Variants in LYPD6B observed in about 807,000 individuals in gnomAD.
The protein encoded by LYPD6B is ly6/PLAUR domain-containing protein 6B.
Under a neutral mutation model 22.8 loss-of-function variants are expected in LYPD6B, and 17 were observed. The ratio of observed to expected loss-of-function variants is 0.75; its 90% CI spans 0.51 to 1.12. The LOEUF is 1.12. Ranked by LOEUF, LYPD6B falls within the 50% of genes most tolerant of loss-of-function variation. The pLI is 0.00. For missense variants in LYPD6B, 221 were observed against 258.3 expected (o/e 0.86, Z 0.99); for synonymous variants, 106 against 91.6 (o/e 1.16, Z -0.90).
intron 1 of LYPD6B, among the ~76,000 whole-genome samples, chr2:149,079,766 G>A (rs1021183840): frequency 7.2e-5 from 11 of 152,232 alleles, no homozygotes; most frequent in Admixed American, 2.6e-4. Context: ...GGCATCTTCC[G>A]GGATGTGCTT....
chr2:149,044,749 A>T (rs1405108676), intron 1 of LYPD6B, among the ~76,000 whole-genome samples: 2 of 152,090 alleles, frequency 1.3e-5, no homozygotes, highest in African/African-American at 4.8e-5. Flanking sequence ...TTTCTTGTAG[A>T]TACAATATGA....
chr2:149,056,739 T>C (rs1054763045), intron 1 of LYPD6B, among the ~76,000 whole-genome samples: 1 of 152,098 alleles, frequency 6.6e-6, no homozygotes, highest in African/African-American at 2.4e-5. Context: ...TTGTGTCTGG[T>C]TTGGGTAATC....
intron 1 of LYPD6B, among the ~76,000 whole-genome samples, chr2:149,107,663 T>C (rs972659262): frequency 6.6e-6 from 1 of 152,222 alleles, no homozygotes; most frequent in African/African-American, 2.4e-5. Flanking sequence ...CATTTCCAAA[T>C]ATTTGGGGGT....
At chr2:149,107,553 C>G (rs1686539481) in intron 1 of LYPD6B, among the ~76,000 whole-genome samples, 1 of 152,210 alleles carries the variant, frequency 6.6e-6, no homozygotes, top group South Asian at 2.1e-4. Context: ...ATCCCACAAA[C>G]TCTGATATGA....
intron 6 of LYPD6B, among the ~76,000 whole-genome samples, chr2:149,213,416 A>G (rs1180880112): frequency 6.6e-6 from 1 of 152,226 alleles, no homozygotes; most frequent in Non-Finnish European, 1.5e-5. Context: ...AATGGAGACC[A>G]AAGAAATGAA....
At chr2:149,099,637 G>A (rs1449602416) in intron 1 of LYPD6B, among the ~76,000 whole-genome samples, 1 of 152,186 alleles carries the variant, frequency 6.6e-6, no homozygotes, top group East Asian at 1.9e-4. Context: ...CGGCCTCCAA[G>A]AGTTCTCAAA....
intron 1 of LYPD6B, among the ~76,000 whole-genome samples, chr2:149,110,684 T>A (rs1686713342): frequency 6.6e-6 from 1 of 152,220 alleles, no homozygotes; most frequent in African/African-American, 2.4e-5. Context: ...TATACATAGA[T>A]TAGAGATGTG....
chr2:149,060,248 G>A (rs1330871075), intron 1 of LYPD6B, among the ~76,000 whole-genome samples: 1 of 152,144 alleles, frequency 6.6e-6, no homozygotes, highest in African/African-American at 2.4e-5. Context: ...ACTGGGGTTC[G>A]AATCCTGCCT....
intron 1 of LYPD6B, among the ~76,000 whole-genome samples, chr2:149,040,249 TCTCA>T (rs1405271816): frequency 1.3e-5 from 2 of 149,234 alleles, no homozygotes. Flanking sequence ...TGAGACAGAC[TCTCA>T]CTCTGTCACC....
At chr2:149,052,211 C>T (rs1478849697) in intron 1 of LYPD6B, among the ~76,000 whole-genome samples, 1 of 151,958 alleles carries the variant, frequency 6.6e-6, no homozygotes, top group African/African-American at 2.4e-5. Flanking sequence ...CACGCCCCAC[C>T]ACACCCAGCT....
At chr2:149,140,893 A>T (rs1375998147) in intron 2 of LYPD6B, among the ~76,000 whole-genome samples, 1 of 152,294 alleles carries the variant, frequency 6.6e-6, no homozygotes, top group East Asian at 1.9e-4. Flanking sequence ...GCAAAAATAA[A>T]CACTTTAGAA....
intron 1 of LYPD6B, among the ~76,000 whole-genome samples, chr2:149,090,297 T>C (rs1419273260): frequency 6.6e-6 from 1 of 152,216 alleles, no homozygotes; most frequent in Non-Finnish European, 1.5e-5. Flanking sequence ...TATTCCCTTT[T>C]TGGCAAGTGG....
chr2:149,045,699 T>C (rs768645068), intron 1 of LYPD6B, among the ~76,000 whole-genome samples: 2 of 152,162 alleles, frequency 1.3e-5, no homozygotes, highest in Non-Finnish European at 2.9e-5. Flanking sequence ...TTGGGGATTT[T>C]CTAGAAGTTT....
At chr2:149,112,009 T>A (rs1428808890) in intron 1 of LYPD6B, among the ~76,000 whole-genome samples, 2 of 152,224 alleles carry the variant, frequency 1.3e-5, no homozygotes, top group Non-Finnish European at 2.9e-5. Flanking sequence ...TTTGACAATG[T>A]GGAAGACATT....
At chr2:149,146,116 A>T (rs1454435275) in intron 2 of LYPD6B, among the ~76,000 whole-genome samples, 1 of 152,366 alleles carries the variant, frequency 6.6e-6, no homozygotes, top group Non-Finnish European at 1.5e-5. Flanking sequence ...GAACAAAAAC[A>T]GAAATGGTCC....
intron 1 of LYPD6B, among the ~76,000 whole-genome samples, chr2:149,073,677 T>C (rs1232429425): frequency 6.6e-6 from 1 of 152,036 alleles, no homozygotes; most frequent in Non-Finnish European, 1.5e-5. Flanking sequence ...GATGACAGAC[T>C]TGGGGACCCA....
chr2:149,056,116 T>C lies in LYPD6B; in HGVS notation c.-67+17315T>C, dbSNP rs1419654080. ...CATAATGGCTACTAGAAAAGAAATATTTTAATTGAAGAACATATTCATGTA... is the reference window on the plus strand; with the variant it reads ...CATAATGGCTACTAGAAAAGAAATACTTTAATTGAAGAACATATTCATGTA... On this transcript the variant is annotated intron_variant, in intron 1 of 6. Transcript: ENST00000409642. 2.6e-5 allele frequency among the ~76,000 whole-genome samples: 4 copies of C among 152,356 alleles called. No individual in the cohort carries two copies. The South Asian group carries it at 6.2e-4, about 24-fold the overall frequency.
chr2:149,196,471 G>A (rs1692815490), intron 3 of LYPD6B, among the ~76,000 whole-genome samples: 1 of 152,216 alleles, frequency 6.6e-6, no homozygotes, highest in South Asian at 2.1e-4. Flanking sequence ...AGTTGAGTGA[G>A]TGGGGGCTTT....
intron 2 of LYPD6B, among the ~76,000 whole-genome samples, chr2:149,143,528 A>G (rs1287748186): frequency 6.6e-6 from 1 of 151,782 alleles, no homozygotes; most frequent in Non-Finnish European, 1.5e-5. Flanking sequence ...AAAAAAAAAA[A>G]AAAAATCACA....
Sources: gnomAD v4.1 joint callset for allele counts (sites outside exome capture counted in the v4.1 genomes callset) on GRCh38, gnomAD v4.1.1 for gene constraint, MANE v1.5 for transcripts, NCBI Gene and HGNC (gene_info 2026-07-23, HGNC 2026-07-21) for gene names.